Variants in EHD4 observed in about 807,000 individuals in gnomAD.
EHD4 encodes EH domain containing 4.
Under a neutral mutation model 51.0 loss-of-function variants are expected in EHD4, and 37 were observed. The ratio of observed to expected loss-of-function variants is 0.73; its 90% confidence interval spans 0.56 to 0.95. EHD4 has a LOEUF of 0.95. Ranked by LOEUF, EHD4 falls within the 40% of genes least tolerant of loss-of-function variation. EHD4 has a pLI of 0.00. For missense variants in EHD4, 632 were observed against 733.1 expected (o/e 0.86, Z 1.59); for synonymous variants, 297 against 317.3 (o/e 0.94, Z 0.68).
chr15:41,901,532 T>C (rs1291453987), intron 5 of EHD4, among the ~76,000 whole-genome samples: 2 of 152,188 alleles, frequency 1.3e-5, no homozygotes, highest in Non-Finnish European at 2.9e-5. Context: ...CCGATCTTCA[T>C]AGCAATCCTG....
intron 2 of EHD4, among the ~76,000 whole-genome samples, chr15:41,948,559 C>T (rs1595542513): frequency 6.6e-6 from 1 of 152,222 alleles, no homozygotes; most frequent in African/African-American, 2.4e-5. Flanking sequence ...GTTATTCCCT[C>T]AGATTAAAAA....
intron 5 of EHD4, among the ~76,000 whole-genome samples, chr15:41,902,344 C>T (rs1031694716): frequency 2.6e-5 from 4 of 152,052 alleles, no homozygotes; most frequent in Non-Finnish European, 5.9e-5. Context: ...TCCATTCAAC[C>T]AACCCTCCAT....
At chr15:41,964,768 A>AT (rs201772585) in intron 1 of EHD4, among the ~76,000 whole-genome samples, 3,745 of 85,556 alleles carry the variant, frequency 0.044, 73 homozygotes, top group Non-Finnish European at 0.088. Context: ...TGAAAAAAAA[A>AT]AAAAATATAT....
At position 41,935,197 on chromosome 15, in the gene EHD4, C is replaced by A. The variant is rs560970349; in HGVS notation, c.511+7870G>T. Among the ~76,000 whole-genome samples, 39 of 152,330 alleles carry A rather than the reference C, an allele frequency of 2.6e-4. No individual in the cohort carries two copies. In the South Asian group the frequency reaches 7.9e-3, roughly 31 times the overall value. The stretch of plus-strand genomic sequence containing the variant: ...TCTTTACGTCCAGCCTAAATGCCAC[C>A]TCCTCAGAGAGCCCTCCCTGACTGC... On this transcript the variant is annotated intron_variant, in intron 3 of 5. Transcript: ENST00000220325.
chr15:41,918,388 C>T (rs532466479), intron 4 of EHD4, among the ~76,000 whole-genome samples: 2 of 152,314 alleles, frequency 1.3e-5, no homozygotes, highest in Admixed American at 1.3e-4. Context: ...AGATAAAACT[C>T]TAAAGGCACT....
intron 3 of EHD4, among the ~76,000 whole-genome samples, chr15:41,922,015 T>C (rs1160788457): frequency 6.6e-6 from 1 of 152,212 alleles, no homozygotes; most frequent in Admixed American, 6.5e-5. Context: ...AACTTTCCCA[T>C]TAATCCTGTG....
Position 41,943,049 on chromosome 15 carries a change from GC to G in EHD4, c.511+17del. The stretch of plus-strand genomic sequence containing the variant: ...CTCAGCCAGCACTTGGTGGGGAGGG[GC>G]AGGGACAGGCACTGACCTCGGCTGA... On this transcript the variant is annotated intron_variant, in intron 3 of 5. Transcript: ENST00000220325. 2 of 1,555,074 alleles carry G rather than the reference GC, an allele frequency of 1.3e-6. No individual in the cohort carries two copies. Among genetic ancestry groups the G allele is most frequent in the Non-Finnish European group, 1.7e-6 (2 of 1,147,346 alleles).
chr15:41,945,558 G>C (rs1487843556), intron 2 of EHD4, among the ~76,000 whole-genome samples: 1 of 152,224 alleles, frequency 6.6e-6, no homozygotes, highest in African/African-American at 2.4e-5. Context: ...GGCAGCTGGG[G>C]TTTTGGGTGC....
chr15:41,966,966 C>T (rs1455346262), intron 1 of EHD4, among the ~76,000 whole-genome samples: 1 of 152,222 alleles, frequency 6.6e-6, no homozygotes, highest in African/African-American at 2.4e-5. Context: ...AATGCTGACA[C>T]TCCCAAGTCA....
chr15:41,928,695 C>G (rs2067678698), intron 3 of EHD4: 1 of 152,202 alleles, frequency 6.6e-6, no homozygotes, highest in South Asian at 2.1e-4. Flanking sequence ...TGGATTCCAG[C>G]ATTTCCCTGC....
rs778505288 is a variant in EHD4, at chr15:41,919,265, T to C, written c.869A>G (p.Gln290Arg). The C allele has an allele frequency of 1.9e-6, 3 of 1,614,120 alleles. No individual in the cohort carries two copies. Among genetic ancestry groups the C allele is most frequent in the South Asian group, 2.2e-5 (2 of 91,076 alleles). ...GTTGAGCTTGCGCACCGCTGCCTTC[T>C]GGGGGAGGCTCTGGATGTCTCTAAA... ...DLFRDIQSLP[Q>R]KAAVRKLNDL... The change falls in exon 4 of 6, where the codon CAG becomes CGG. Residue 290 changes from glutamine (Q) to arginine (R), a missense_variant. Gln to Arg is a conservative substitution (Grantham distance 43). Coordinates refer to ENST00000220325, the MANE Select transcript of EHD4 (RefSeq NM_139265.4).
intron 3 of EHD4, among the ~76,000 whole-genome samples, chr15:41,938,096 C>T (rs370653919): frequency 4.6e-5 from 7 of 152,128 alleles, no homozygotes; most frequent in Admixed American, 1.3e-4. Context: ...GATCGTGCCC[C>T]GTCACATGAG....
At chr15:41,910,788 C>T (rs554277596) in intron 4 of EHD4, among the ~76,000 whole-genome samples, 22 of 152,180 alleles carry the variant, frequency 1.4e-4, no homozygotes, top group Non-Finnish European at 2.5e-4. Flanking sequence ...AGGCTGGTCT[C>T]GAACTCCTGA....
intron 5 of EHD4, among the ~76,000 whole-genome samples, chr15:41,903,449 TACATACACACACACACACACACAC>T (rs1567242730): frequency 9.8e-6 from 1 of 102,320 alleles, no homozygotes; most frequent in Non-Finnish European, 2.0e-5. Context: ...GCCATTAACA[TACATACACACACACACACACACAC>T]ACACACACAC....
intron 1 of EHD4, among the ~76,000 whole-genome samples, chr15:41,962,945 C>T (rs1471943787): frequency 6.6e-6 from 1 of 152,220 alleles, no homozygotes; most frequent in Non-Finnish European, 1.5e-5. Flanking sequence ...TTGTTCTGTA[C>T]TAAGAAAAAT....
intron 3 of EHD4, among the ~76,000 whole-genome samples, chr15:41,932,413 G>A (rs1192642068): frequency 6.6e-6 from 1 of 152,130 alleles, no homozygotes; most frequent in Non-Finnish European, 1.5e-5. Context: ...GTAGCCTTTT[G>A]TCCCAAGCAC....
At chr15:41,951,568 A>G (rs888353451) in intron 2 of EHD4, among the ~76,000 whole-genome samples, 2 of 152,166 alleles carry the variant, frequency 1.3e-5, no homozygotes, top group African/African-American at 4.8e-5. Flanking sequence ...CAGACTTCAC[A>G]AAGTGGGAAT....
chr15:41,915,203 T>C (rs1344068550), intron 4 of EHD4, among the ~76,000 whole-genome samples: 1 of 152,190 alleles, frequency 6.6e-6, no homozygotes. Context: ...TCCTTTCTGC[T>C]CATTGAGTTA....
In EHD4 at chr15:41,900,785, C is replaced by T. The variant is rs758101502; in HGVS notation, c.1486G>A (p.Asp496Asn). ...KIWKLADCDC[D>N]GMLDEEEFAL... ...AACTCCTCCTCATCAAGCATGCCGT[C>T]GCAGTCGCAGTCGGCCAGCTTCCAG... The change falls in exon 6 of 6, where the codon GAC (aspartate) becomes AAC (asparagine). Residue 496 changes from aspartate to asparagine, a missense_variant. Asp to Asn is a conservative substitution (Grantham distance 23). Coordinates refer to ENST00000220325, the MANE Select transcript of EHD4 (RefSeq NM_139265.4). This position sits in a 1 kb window ranked among gnomAD's most constrained non-coding sequence, Gnocchi z 4.8. 10 of 1,614,164 alleles carry T rather than the reference C, an allele frequency of 6.2e-6. No homozygotes were observed. Among genetic ancestry groups the T allele is most frequent in the East Asian group, 4.5e-5 (2 of 44,884 alleles).
Sources: allele counts gnomAD v4.1 joint callset (sites outside exome capture counted in the v4.1 genomes callset), GRCh38; gene constraint gnomAD v4.1.1; non-coding constraint Gnocchi (gnomAD v3.1); transcripts MANE v1.5; gene names NCBI Gene and HGNC (gene_info 2026-07-23, HGNC 2026-07-21).